The following SLC25A11 variants were observed in gnomAD, a reference collection of about 807,000 sequenced individuals.
SLC25A11 encodes mitochondrial 2-oxoglutarate/malate carrier protein.
Under a neutral mutation model 32.7 loss-of-function variants are expected in SLC25A11, and 11 were observed. The observed-to-expected ratio is 0.34, with a 90% CI of 0.21 to 0.56. SLC25A11 has a LOEUF of 0.56. Among genes scored for constraint, SLC25A11 ranks in the 20% least tolerant of loss-of-function variants. The pLI is 0.90. For synonymous variants in SLC25A11, 163 were observed against 168.3 expected (o/e 0.97, Z 0.24); for missense variants, 295 against 426.3 (o/e 0.69, Z 2.71).
chr17:4,939,878 C>A lies in SLC25A11; in HGVS notation c.33G>T (p.Gly11=), dbSNP rs545975633. The A allele has an allele frequency of 6.2e-7, 1 of 1,611,576 alleles. No individual in the cohort carries two copies. The highest frequency in any genetic ancestry group is 1.3e-5 in the African/African-American group (1 of 74,868). Residue 11 remains glycine, a synonymous_variant, in exon 1 of 8, where the codon GGG becomes GGT. Transcript: ENST00000225665. This position sits in a 1 kb window ranked among gnomAD's most constrained non-coding sequence, Gnocchi z 4.1. The stretch of plus-strand genomic sequence containing the variant: ...GGGAGGTACGGGGCTTCCCGTCTAT[C>A]CCGCCGGCCCCGGCACTCGCCGTCG... The part of the protein sequence containing the change: MAATASAGAG[G]IDGKPRTSPK...
At position 4,937,577 on chromosome 17, in the gene SLC25A11, A is replaced by C; in HGVS notation, c.*164T>G. ...GAGAAATCACAGGATCAGGACGAGC[A>C]GGGCAAGCTGGAGCAGGGGGTAGAA... On this transcript the variant is annotated 3_prime_UTR_variant, in exon 8 of 8. Transcript: ENST00000225665. 1.4e-6 allele frequency: 1 copy of C among 723,064 alleles called. No individual in the cohort carries two copies. Among genetic ancestry groups the C allele is most frequent in the Non-Finnish European group, 2.1e-6 (1 of 469,976 alleles). 44.8% of individuals were successfully genotyped at this position (723,064 alleles called of 1,614,324 possible). A position where few individuals can be genotyped will look rare whatever the true frequency, so the allele number is the denominator to read the frequency against.
At position 4,939,083 on chromosome 17, in the gene SLC25A11, T is replaced by G; in HGVS notation, c.225A>C (p.Glu75Asp). ...ACCCAGTGTAAATGCCCCTCAGGCC[T>G]TCTGCCTTCAGGATACTGGTGAGGG... is the stretch of plus-strand genomic sequence containing the variant. ...FHALTSILKA[E>D]GLRGIYTGLS... Residue 75 changes from glutamate to aspartate, a missense_variant, in exon 2 of 8, where the codon GAA (glutamate) becomes GAC (aspartate). Physicochemically the swap from Glu to Asp is conservative, Grantham distance 45 (BLOSUM62 2). Coordinates refer to ENST00000225665, the MANE Select transcript of SLC25A11 (RefSeq NM_003562.5). This position sits in a 1 kb window ranked among gnomAD's most constrained non-coding sequence, Gnocchi z 4.1. 1 of 1,614,214 alleles carries G rather than the reference T, an allele frequency of 6.2e-7. No individual in the cohort carries two copies. Among genetic ancestry groups the G allele is most frequent in the African/African-American group, 1.3e-5 (1 of 75,062 alleles).
chr17:4,938,945 G>A lies in SLC25A11; in HGVS notation c.279C>T (p.Thr93=), dbSNP rs1470572395. Residue 93 remains threonine, a synonymous_variant, in exon 3 of 8, where the codon ACC becomes ACT. Coordinates refer to ENST00000225665, the MANE Select transcript of SLC25A11 (RefSeq NM_003562.5). The surrounding 1 kb of genome is among the most constrained non-coding windows in gnomAD (Gnocchi z 7.6). ...GLSAGLLRQA[T]YTTTRLGIYT... ...AGATGCCAAGGCGGGTAGTGGTGTA[G>A]GTGGCCTGACGCAGCAGGCCAGCCG... The A allele has an allele frequency of 1.1e-5, 18 of 1,614,160 alleles. No individual in the cohort carries two copies. The highest frequency in any genetic ancestry group is 1.4e-5 in the Non-Finnish European group (17 of 1,180,020).
In SLC25A11 at chr17:4,937,778, A is replaced by C. The variant is rs2151110342; in HGVS notation, c.908T>G (p.Met303Arg). The C allele has an allele frequency of 6.2e-7, 1 of 1,613,802 alleles. No homozygotes were observed. Among genetic ancestry groups the C allele is most frequent in the South Asian group, 1.1e-5 (1 of 91,040 alleles). Residue 303 changes from methionine to arginine, a missense_variant, in exon 8 of 8, where the codon ATG becomes AGG. This residue lies in a region of SLC25A11 where 142 missense variants were observed against 197.8 expected (regional missense o/e 0.72). Transcript: ENST00000225665. The part of the protein sequence containing the change: ...TVLTFIFLEQ[M>R]NKAYKRLFLS... ...GAAGAGACGCTTGTAGGCCTTGTTC[A>C]TCTGCTCCAAGAAGATGAAGGTGAG...
chr17:4,939,204 G>A lies in SLC25A11; in HGVS notation c.104C>T (p.Ala35Val), dbSNP rs926629555. Residue 35 changes from alanine (A) to valine (V), a missense_variant, in exon 2 of 8, where the codon GCT becomes GTT. This residue lies in a region of SLC25A11 where 104 missense variants were observed against 121.5 expected (regional missense o/e 0.86). Transcript: ENST00000225665. This position sits in a 1 kb window ranked among gnomAD's most constrained non-coding sequence, Gnocchi z 4.1. ...FLFGGLAGMG[A>V]TVFVQPLDLV... ...GTCCAGGGGCTGGACAAAAACTGTA[G>A]CTCCCATCCTGGGGGAAGACAGAGG... The A allele has an allele frequency of 1.2e-6, 2 of 1,604,270 alleles. No homozygotes were observed. The highest frequency in any genetic ancestry group is 1.7e-6 in the Non-Finnish European group (2 of 1,171,864).
In SLC25A11 at chr17:4,938,046, T is replaced by C; in HGVS notation, c.766A>G (p.Lys256Glu). ...RIQNMRMIDG[K>E]PEYKNGLDVL... ...ACCAGCCCGTTCTTGTATTCCGGCT[T>C]CCCATCAATCATCCGCATGTTCTGG... The change falls in exon 7 of 8, where the codon AAG (lysine) becomes GAG (glutamate). Residue 256 changes from lysine (K) to glutamate (E), a missense_variant. Lys to Glu is a moderately conservative substitution (Grantham distance 56). Transcript: ENST00000225665. This position sits in a 1 kb window ranked among gnomAD's most constrained non-coding sequence, Gnocchi z 7.6. 6.2e-7 allele frequency: 1 copy of C among 1,613,976 alleles called. No homozygotes were observed. The highest frequency in any genetic ancestry group is 1.1e-5 in the South Asian group (1 of 91,062).
Position 4,937,871 on chromosome 17 carries a change from T to G in SLC25A11, c.815A>C (p.Tyr272Ser). ...CTTCCACAGGCTGAAGAAGCCCTCG[T>G]AGCGGACAACTTTGAACAGCACGTC... ...GLDVLFKVVR[Y>S]EGFFSLWKGF... Residue 272 changes from tyrosine to serine, a missense_variant, in exon 8 of 8, where the codon TAC (tyrosine) becomes TCC (serine). This residue lies in a region of SLC25A11 where 142 missense variants were observed against 197.8 expected (regional missense o/e 0.72). Coordinates refer to ENST00000225665, the MANE Select transcript of SLC25A11 (RefSeq NM_003562.5). 1 of 1,613,828 alleles carries G rather than the reference T, an allele frequency of 6.2e-7. No homozygotes were observed. The highest frequency in any genetic ancestry group is 8.5e-7 in the Non-Finnish European group (1 of 1,179,842).
chr17:4,939,489 G>C lies in SLC25A11; in HGVS notation c.96-277C>G. 1.7e-6 allele frequency: 1 copy of C among 575,728 alleles called. No individual in the cohort carries two copies. Among genetic ancestry groups the C allele is most frequent in the Non-Finnish European group, 3.1e-6 (1 of 325,502 alleles). 35.7% of individuals were successfully genotyped at this position (575,728 alleles called of 1,614,324 possible). On this transcript the variant is annotated intron_variant, in intron 1 of 7. Transcript: ENST00000225665. This position sits in a 1 kb window ranked among gnomAD's most constrained non-coding sequence, Gnocchi z 4.1. ...GCTGCACGCAGTCCGACACAGGGAGGGGAGGAAGGGGCATCCAAGATTTAG... is the reference window on the plus strand; with the variant it reads ...GCTGCACGCAGTCCGACACAGGGAGCGGAGGAAGGGGCATCCAAGATTTAG...
rs1970617884 is a variant in SLC25A11 at position 4,940,007 on chromosome 17, A to C, written c.-97T>G. On this transcript the variant is annotated 5_prime_UTR_variant, in exon 1 of 8. Transcript: ENST00000225665. ...CGCGCAACAGAGCGAGGGCGCGCGC[A>C]CGCCCCTCCAGCTCTCAGGTCCGAC... 1 of 797,088 alleles carries C rather than the reference A, an allele frequency of 1.3e-6. No individual in the cohort carries two copies. The highest frequency in any genetic ancestry group is 1.8e-5 in the African/African-American group (1 of 54,090). 49.4% of individuals were successfully genotyped at this position (797,088 alleles called of 1,614,324 possible).
chr17:4,937,670 G>T lies in SLC25A11; in HGVS notation c.*71C>A, dbSNP rs1416693259. The stretch of plus-strand genomic sequence containing the variant: ...AAGGGAAATAAATAGAGGGGTCCAG[G>T]GCAGCAGAGCCCAGGCCCCCAGGGC... On this transcript the variant is annotated 3_prime_UTR_variant, in exon 8 of 8. Transcript: ENST00000225665. The T allele has an allele frequency of 8.6e-6, 13 of 1,509,204 alleles. No homozygotes were observed. Among genetic ancestry groups the T allele is most frequent in the Non-Finnish European group, 1.2e-5 (13 of 1,126,486 alleles). 93.5% of individuals were successfully genotyped at this position (1,509,204 alleles called of 1,614,324 possible). A position where few individuals can be genotyped will look rare whatever the true frequency, so the allele number is the denominator to read the frequency against.
At position 4,939,745 on chromosome 17, in the gene SLC25A11, A is replaced by C; in HGVS notation, c.95+71T>G. On this transcript the variant is annotated intron_variant, in intron 1 of 7. Coordinates refer to ENST00000225665, the MANE Select transcript of SLC25A11 (RefSeq NM_003562.5). This position sits in a 1 kb window ranked among gnomAD's most constrained non-coding sequence, Gnocchi z 4.1. ...GCACAGTTCACTGCAACAGACCCAG[A>C]GATGAACCGGGCCCGGTTCCTTTTG... 1 of 1,218,604 alleles carries C rather than the reference A, an allele frequency of 8.2e-7. No individual in the cohort carries two copies. The allele number at this position is 1,218,604 out of a possible 1,614,324, so 75.5% of individuals were successfully genotyped here. A position where few individuals can be genotyped will look rare whatever the true frequency, so the allele number is the denominator to read the frequency against.
In SLC25A11 at chr17:4,939,073, C is replaced by T; in HGVS notation, c.235G>A (p.Gly79Ser). The T allele has an allele frequency of 6.2e-7, 1 of 1,614,180 alleles. No homozygotes were observed. The highest frequency in any genetic ancestry group is 1.1e-5 in the South Asian group (1 of 91,080). ...TSILKAEGLRGIYTGLSAGLL... is the reference protein window; with the variant it reads ...TSILKAEGLRSIYTGLSAGLL... The stretch of plus-strand genomic sequence containing the variant: ...AGGCCCCAATACCCAGTGTAAATGC[C>T]CCTCAGGCCTTCTGCCTTCAGGATA... Residue 79 changes from glycine (G) to serine (S), a missense_variant, in exon 2 of 8, where the codon GGC becomes AGC. Physicochemically the swap from Gly to Ser is moderately conservative, Grantham distance 56. Coordinates refer to ENST00000225665, the MANE Select transcript of SLC25A11 (RefSeq NM_003562.5). This position sits in a 1 kb window ranked among gnomAD's most constrained non-coding sequence, Gnocchi z 4.1.
Position 4,938,279 on chromosome 17 carries a change from A to G in SLC25A11, c.638-26T>C. ...CTGGGGGAGGTGAGGCGGGGGTGGC[A>G]GTCAGCTCAGAGGTGGCTCAGGCCA... is the stretch of plus-strand genomic sequence containing the variant. On this transcript the variant is annotated intron_variant, in intron 5 of 7. Transcript: ENST00000225665. The surrounding 1 kb of genome is among the most constrained non-coding windows in gnomAD (Gnocchi z 7.6). The G allele has an allele frequency of 6.2e-7, 1 of 1,612,200 alleles. No homozygotes were observed. Among genetic ancestry groups the G allele is most frequent in the Non-Finnish European group, 8.5e-7 (1 of 1,178,758 alleles).
chr17:4,939,803 G>A lies in SLC25A11; in HGVS notation c.95+13C>T, dbSNP rs568253916. The A allele has an allele frequency of 6.2e-7, 1 of 1,606,290 alleles. No individual in the cohort carries two copies. The highest frequency in any genetic ancestry group is 1.3e-5 in the African/African-American group (1 of 74,542). On this transcript the variant is annotated intron_variant, in intron 1 of 7. Coordinates refer to ENST00000225665, the MANE Select transcript of SLC25A11 (RefSeq NM_003562.5). This position sits in a 1 kb window ranked among gnomAD's most constrained non-coding sequence, Gnocchi z 4.1. ...CTTCCTCCTCTTTTCCCATCCCTGG[G>A]GCCTGAGCTTACCCGGCCAGGCCCC...
Position 4,938,084 on chromosome 17 carries a change from A to G in SLC25A11, c.738-10T>C. 6.2e-7 allele frequency: 1 copy of G among 1,614,038 alleles called. No individual in the cohort carries two copies. ...CCGCATGTTCTGGATTCTGCAGGAGAGGACGCAGGGGCATGAGAGACCGAA... is the reference window on the plus strand; with the variant it reads ...CCGCATGTTCTGGATTCTGCAGGAGGGGACGCAGGGGCATGAGAGACCGAA... On this transcript the variant is annotated splice_polypyrimidine_tract_variant and intron_variant, in intron 6 of 7. Transcript: ENST00000225665. This position sits in a 1 kb window ranked among gnomAD's most constrained non-coding sequence, Gnocchi z 7.6.
chr17:4,938,208 A>G lies in SLC25A11; in HGVS notation c.683T>C (p.Ile228Thr), dbSNP rs1597645024. The change falls in exon 6 of 8, where the codon ATC becomes ACC. Residue 228 changes from isoleucine (I) to threonine (T), a missense_variant. Coordinates refer to ENST00000225665, the MANE Select transcript of SLC25A11 (RefSeq NM_003562.5). The surrounding 1 kb of genome is among the most constrained non-coding windows in gnomAD (Gnocchi z 7.6). ...GGCAGCAGTGGTGACAAGACCGCTG[A>G]TCATGCTGGCACAGAAGTGGCACAA... Reference protein sequence around the residue: ...NILCHFCASMISGLVTTAASM... With the variant: ...NILCHFCASMTSGLVTTAASM... 1 of 1,614,116 alleles carries G rather than the reference A, an allele frequency of 6.2e-7. No homozygotes were observed. Among genetic ancestry groups the G allele is most frequent in the Admixed American group, 1.7e-5 (1 of 60,024 alleles).
Position 4,938,079 on chromosome 17 carries a change from A to G in SLC25A11, c.738-5T>C, listed in dbSNP as rs746842652. On this transcript the variant is annotated splice_region_variant and splice_polypyrimidine_tract_variant and intron_variant, in intron 6 of 7. Transcript: ENST00000225665. The surrounding 1 kb of genome is among the most constrained non-coding windows in gnomAD (Gnocchi z 7.6). The stretch of plus-strand genomic sequence containing the variant: ...ATCATCCGCATGTTCTGGATTCTGC[A>G]GGAGAGGACGCAGGGGCATGAGAGA... The G allele has an allele frequency of 6.2e-7, 1 of 1,614,126 alleles. No homozygotes were observed. The highest frequency in any genetic ancestry group is 1.3e-5 in the African/African-American group (1 of 75,022).
intron 7 of SLC25A11, 56 bp from the exon 8 acceptor site, chr17:4,937,952 A>G: frequency 1.2e-6 from 2 of 1,612,832 alleles, no homozygotes; most frequent in South Asian, 2.2e-5. Context: ...CATCCCCCTC[A>G]CCCAGCTGCC....
Position 4,939,216 on chromosome 17 carries a change from G to C in SLC25A11, c.96-4C>G. 1 of 1,602,230 alleles carries C rather than the reference G, an allele frequency of 6.2e-7. No homozygotes were observed. The highest frequency in any genetic ancestry group is 8.5e-7 in the Non-Finnish European group (1 of 1,170,398). The stretch of plus-strand genomic sequence containing the variant: ...GACAAAAACTGTAGCTCCCATCCTG[G>C]GGGAAGACAGAGGTGGAGTGAAGGG... On this transcript the variant is annotated splice_polypyrimidine_tract_variant and splice_region_variant and intron_variant, in intron 1 of 7. Coordinates refer to ENST00000225665, the MANE Select transcript of SLC25A11 (RefSeq NM_003562.5). This position sits in a 1 kb window ranked among gnomAD's most constrained non-coding sequence, Gnocchi z 4.1.
Sources: allele counts gnomAD v4.1 joint callset, GRCh38; gene constraint gnomAD v4.1.1; regional missense constraint gnomAD v4.1.1; non-coding constraint Gnocchi (gnomAD v3.1); transcripts MANE v1.5; gene names NCBI Gene and HGNC (gene_info 2026-07-23, HGNC 2026-07-21).